The following TUBGCP5 variants were observed in gnomAD, a reference collection of about 807,000 sequenced individuals.
TUBGCP5 encodes tubulin gamma complex component 5.
A neutral mutation model predicts 134.7 loss-of-function variants in TUBGCP5; 98 were observed. The ratio of observed to expected loss-of-function variants is 0.73; its 90% CI spans 0.62 to 0.86. TUBGCP5 has a LOEUF of 0.86. Ranked by LOEUF, TUBGCP5 falls within the 40% of genes least tolerant of loss-of-function variation. The pLI is 0.00. For missense variants in TUBGCP5, 1,150 were observed against 1,244.8 expected (o/e 0.92, Z 1.15); for synonymous variants, 456 against 431.4 (o/e 1.06, Z -0.71).
chr15:23,028,562 G>T (rs2066114997), intron 6 of TUBGCP5, among the ~76,000 whole-genome samples: 1 of 151,664 alleles, frequency 6.6e-6, no homozygotes, highest in African/African-American at 2.4e-5. Flanking sequence ...ATAAATAGTA[G>T]CATTTAATAA....
Position 23,008,865 on chromosome 15 carries a change from G to C in TUBGCP5, c.2161C>G (p.Gln721Glu), listed in dbSNP as rs919133723. The C allele has an allele frequency of 3.2e-6, 5 of 1,572,956 alleles. No individual in the cohort carries two copies. Among genetic ancestry groups the C allele is most frequent in the Non-Finnish European group, 4.3e-6 (5 of 1,167,102 alleles). The change falls in exon 16 of 23, where the codon CAA becomes GAA. Residue 721 changes from glutamine to glutamate, a missense_variant. Physicochemically the swap from Gln to Glu is conservative, Grantham distance 29 (BLOSUM62 2). Transcript: ENST00000615383. Reference protein sequence around the residue: ...KKDYRLVEYLQAMRNFFLMEG... With the variant: ...KKDYRLVEYLEAMRNFFLMEG... ...ATTAAGAAAAAATTCCTCATAGCTTGCAAGTATTCTACCAACCTGAATGGA... is the reference window on the plus strand; with the variant it reads ...ATTAAGAAAAAATTCCTCATAGCTTCCAAGTATTCTACCAACCTGAATGGA...
intron 16 of TUBGCP5, among the ~76,000 whole-genome samples, chr15:23,008,036 G>A (rs1465538239): frequency 2.6e-5 from 4 of 152,138 alleles, no homozygotes; most frequent in African/African-American, 9.7e-5. Flanking sequence ...TGTGAAGGAG[G>A]CCATCAGACC....
chr15:23,015,986 C>A (rs2065290540), intron 13 of TUBGCP5, among the ~76,000 whole-genome samples: 1 of 152,056 alleles, frequency 6.6e-6, no homozygotes, highest in South Asian at 2.1e-4. Context: ...CCAAGAAAAC[C>A]AATAATTCTC....
At chr15:22,989,888 C>G (rs2063796061) in intron 23 of TUBGCP5, among the ~76,000 whole-genome samples, 1 of 152,160 alleles carries the variant, frequency 6.6e-6, no homozygotes, top group Middle Eastern at 3.2e-3. Context: ...CTCCTAACTT[C>G]AGGACTTTTA....
intron 9 of TUBGCP5, 83 bp from the exon 10 acceptor site, chr15:23,024,276 T>G: frequency 6.7e-7 from 1 of 1,502,228 alleles, no homozygotes; most frequent in South Asian, 1.3e-5. Context: ...GTAAAATACT[T>G]CTTTTGCAAT....
chr15:23,039,368 G>A (rs764132411), intron 1 of TUBGCP5, 30 bp downstream of exon 1: 8 of 1,386,116 alleles, frequency 5.8e-6, no homozygotes, highest in Middle Eastern at 4.1e-4. Flanking sequence ...GGCTGTGGCC[G>A]GGAACCCGCC....
Position 23,006,701 on chromosome 15 carries a change from G to C in TUBGCP5, c.2328-349C>G, listed in dbSNP as rs74948069. Among the ~76,000 whole-genome samples the C allele has an allele frequency of 3.7e-4, 56 of 152,206 alleles. 1 individual carries two copies. The East Asian group carries it at 0.011, about 29-fold the overall frequency. ...AGGTTGGGGGTGGGCAGGAGAGGAC[G>C]AGCAGAGCAGCTCGACGGAGCCGAG... On this transcript the variant is annotated intron_variant, in intron 16 of 22. Transcript: ENST00000615383.
At position 23,022,019 on chromosome 15, in the gene TUBGCP5, A is replaced by G; in HGVS notation, c.1311T>C (p.Leu437=). 1 of 1,614,168 alleles carries G rather than the reference A, an allele frequency of 6.2e-7. No individual in the cohort carries two copies. Among genetic ancestry groups the G allele is most frequent in the Non-Finnish European group, 8.5e-7 (1 of 1,180,024 alleles). The stretch of plus-strand genomic sequence containing the variant: ...CAAGAATGGCCTTGTACAGGGTGTT[A>G]AGCAGGTGAGAGGCCCGGACGACAT... The part of the protein sequence containing the change: ...TRNVVRASHL[L]NTLYKAILEY... Residue 437 remains leucine, a synonymous_variant, in exon 11 of 23, where the codon CTT becomes CTC. Coordinates refer to ENST00000615383, the MANE Select transcript of TUBGCP5 (RefSeq NM_052903.6).
At chr15:23,025,446 G>A (rs796214464) in intron 8 of TUBGCP5, among the ~76,000 whole-genome samples, 1 of 152,160 alleles carries the variant, frequency 6.6e-6, no homozygotes, top group South Asian at 2.1e-4. Flanking sequence ...ACCAGGACTT[G>A]GAATTTCAGT....
chr15:23,016,498 A>G lies in TUBGCP5; in HGVS notation c.1756+1275T>C, dbSNP rs558187868. On this transcript the variant is annotated intron_variant, in intron 13 of 22. Coordinates refer to ENST00000615383, the MANE Select transcript of TUBGCP5 (RefSeq NM_052903.6). Reference sequence around the variant, plus strand: ...GATGGGAGTAAAACTCTGTCTCAGGAAAAAAAAAAAAAAAAGGCAAATGAT... The same window carrying G: ...GATGGGAGTAAAACTCTGTCTCAGGGAAAAAAAAAAAAAAAGGCAAATGAT... 1.9e-4 allele frequency among the ~76,000 whole-genome samples: 20 copies of G among 103,322 alleles called. No homozygotes were observed. The South Asian group carries it at 5.1e-3, about 27-fold the overall frequency. 67.8% of individuals were successfully genotyped at this position (103,322 alleles called of 152,430 possible).
intron 1 of TUBGCP5, among the ~76,000 whole-genome samples, 190 bp from the exon 2 acceptor site, chr15:23,037,342 T>A (rs993279082): frequency 6.6e-6 from 1 of 152,084 alleles, no homozygotes; most frequent in South Asian, 2.1e-4. Flanking sequence ...TGTGCAAGCA[T>A]CCTTTCTCCA....
intron 23 of TUBGCP5, among the ~76,000 whole-genome samples, chr15:22,990,016 A>G (rs2063798964): frequency 6.6e-6 from 1 of 152,160 alleles, no homozygotes; most frequent in South Asian, 2.1e-4. Flanking sequence ...AGGAGGCATC[A>G]GAGTCCTCTG....
At chr15:23,032,172 T>C in intron 4 of TUBGCP5, 143 bp from the exon 5 acceptor site, 1 of 590,898 alleles carries the variant, frequency 1.7e-6, no homozygotes, top group Non-Finnish European at 2.9e-6. Flanking sequence ...AATAAATTGA[T>C]ATCCTAAAAC....
rs1001978843 is a variant in TUBGCP5 at position 22,993,882 on chromosome 15, C to T, written c.*61+2963G>A. 1.1e-4 allele frequency among the ~76,000 whole-genome samples: 17 copies of T among 151,188 alleles called. No individual in the cohort carries two copies. In the South Asian group the frequency reaches 1.3e-3, roughly 11 times the overall value. On this transcript the variant is annotated intron_variant and NMD_transcript_variant, in intron 23 of 23. Transcript: ENST00000614508. ...TTTTTGTAGAGATGCGGTTTCACCA[C>T]GTTGGCCAGGCTAGTCTTGAACTCC...
chr15:23,031,109 A>G (rs2066284600), intron 5 of TUBGCP5, 89 bp from the exon 6 acceptor site: 1 of 1,353,380 alleles, frequency 7.4e-7, no homozygotes, highest in African/African-American at 1.5e-5. Flanking sequence ...TTTGAAGAAA[A>G]GCAAAAACTT....
chr15:23,010,581 T>C (rs1432459901), intron 14 of TUBGCP5, among the ~76,000 whole-genome samples: 1 of 152,122 alleles, frequency 6.6e-6, no homozygotes, highest in Non-Finnish European at 1.5e-5. Flanking sequence ...AGACAAAAGT[T>C]GTACCACATG....
chr15:23,037,091 T>C lies in TUBGCP5; in HGVS notation c.200+8A>G. ...TTTCTGGATGCGTATATATACACAC[T>C]GACTTACCCTTCGATTGTTTTTTCT... On this transcript the variant is annotated splice_region_variant and intron_variant, in intron 2 of 22. Transcript: ENST00000615383. The C allele has an allele frequency of 6.2e-7, 1 of 1,613,640 alleles. No individual in the cohort carries two copies. Among genetic ancestry groups the C allele is most frequent in the Admixed American group, 1.7e-5 (1 of 60,016 alleles).
At position 23,010,152 on chromosome 15, in the gene TUBGCP5, AGTCTTCTTTTT is replaced by A. The variant is rs1165315276; in HGVS notation, c.1956-30_1956-20del. The A allele has an allele frequency of 2.5e-6, 4 of 1,602,568 alleles. No homozygotes were observed. Among genetic ancestry groups the A allele is most frequent in the Non-Finnish European group, 2.6e-6 (3 of 1,172,364 alleles). On this transcript the variant is annotated intron_variant, in intron 14 of 22. Transcript: ENST00000615383. ...ATACATCCTTCAAGATAAAAATGTG[AGTCTTCTTTTT>A]ATGAGCTGCTGTCAACAGAACTCTC...
chr15:23,010,096 C>T lies in TUBGCP5; in HGVS notation c.1993G>A (p.Ala665Thr). 6.2e-7 allele frequency: 1 copy of T among 1,613,982 alleles called. No homozygotes were observed. The change falls in exon 15 of 23, where the codon GCT (alanine) becomes ACT (threonine). Residue 665 changes from alanine to threonine, a missense_variant. By Grantham distance (58) the Ala-to-Thr change is moderately conservative (BLOSUM62 0). Around this residue, in one of 2 missense-constraint regions of TUBGCP5, gnomAD observed 697 missense variants for 850.1 expected, o/e 0.82. Coordinates refer to ENST00000615383, the MANE Select transcript of TUBGCP5 (RefSeq NM_052903.6). ...CTATCCACACATACATCACCACCAG[C>T]AAACTTCTCGTGAAAGTCACTCTGC... is the stretch of plus-strand genomic sequence containing the variant. The part of the protein sequence containing the change: ...LEQSDFHEKF[A>T]GGDVCVDRSS...
Sources: gnomAD v4.1 joint callset for allele counts (sites outside exome capture counted in the v4.1 genomes callset) on GRCh38, gnomAD v4.1.1 for gene constraint, gnomAD v4.1.1 regional missense constraint, MANE v1.5 for transcripts, NCBI Gene and HGNC (gene_info 2026-07-23, HGNC 2026-07-21) for gene names.